DCBLD1: variants seen among roughly 807,000 people sequenced by gnomAD.
The protein encoded by DCBLD1 is discoidin, CUB and LCCL domain containing 1, also known as discoidin, CUB and LCCL domain-containing protein 1.
In DCBLD1, 57 loss-of-function variants were observed where a neutral mutation model predicts 71.5. That is an observed-to-expected ratio of 0.80 (90% CI 0.64 to 0.99). DCBLD1 has a LOEUF of 0.99. Ranked by LOEUF, DCBLD1 falls within the 50% of genes least tolerant of loss-of-function variation. The pLI is 0.00. For missense variants in DCBLD1, 891 were observed against 923.5 expected (o/e 0.96, Z 0.46); for synonymous variants, 380 against 363.8 (o/e 1.04, Z -0.51).
intron 2 of DCBLD1, among the ~76,000 whole-genome samples, chr6:117,515,804 A>G (rs1252618689): frequency 6.6e-6 from 1 of 152,192 alleles, no homozygotes; most frequent in African/African-American, 2.4e-5. Flanking sequence ...AAAATATTTT[A>G]TGAATCTCTT....
Position 117,532,221 on chromosome 6 carries a change from T to C in DCBLD1, c.586-39T>C, listed in dbSNP as rs1237790905. Reference sequence around the variant, plus strand: ...AAACTCCAACTATATTTTAACTGTGTTCTTTTAAGTTCTGCATAATGATGT... The same window carrying C: ...AAACTCCAACTATATTTTAACTGTGCTCTTTTAAGTTCTGCATAATGATGT... On this transcript the variant is annotated intron_variant, in intron 5 of 14. Transcript: ENST00000338728. 4 of 1,550,746 alleles carry C rather than the reference T, an allele frequency of 2.6e-6. No homozygotes were observed. In the African/African-American group the frequency reaches 5.6e-5, roughly 22 times the overall value.
chr6:117,553,368 G>T (rs1779455651), downstream of DCBLD1, among the ~76,000 whole-genome samples: 1 of 152,110 alleles, frequency 6.6e-6, no homozygotes, highest in African/African-American at 2.4e-5. Context: ...AATGGAAAAA[G>T]TGTTAGAAAC....
At position 117,482,823 on chromosome 6, in the gene DCBLD1, T is replaced by C. The variant is rs934173261; in HGVS notation, c.42T>C (p.Ala14=). 8.0e-5 allele frequency: 93 copies of C among 1,164,412 alleles called. No individual in the cohort carries two copies. The highest frequency in any genetic ancestry group is 9.4e-5 in the Non-Finnish European group (89 of 945,906). The allele number at this position is 1,164,412 out of a possible 1,614,324, so 72.1% of individuals were successfully genotyped here. A position where few individuals can be genotyped will look rare whatever the true frequency, so the allele number is the denominator to read the frequency against. The change falls in exon 1 of 15, where the codon GCT becomes GCC. Residue 14 remains alanine, a synonymous_variant. Transcript: ENST00000338728. ...GARGGGALAR[A]AGRGLLALLL... ...GCGGCGGCGGCGCACTGGCGCGGGC[T>C]GCCGGGCGGGGCCTCCTGGCTTTGC...
rs1430823863 is a variant in DCBLD1 at position 117,548,926 on chromosome 6, CTTG to C, written c.*493_*495del. 52 of 990,578 alleles carry C rather than the reference CTTG, an allele frequency of 5.2e-5. No homozygotes were observed. The highest frequency in any genetic ancestry group is 5.2e-4 in the Middle Eastern group (1 of 1,938). 61.4% of individuals were successfully genotyped at this position (990,578 alleles called of 1,614,324 possible). On this transcript the variant is annotated 3_prime_UTR_variant, in exon 15 of 15. Transcript: ENST00000338728. The stretch of plus-strand genomic sequence containing the variant: ...AGCAGCAGGTCTGCTTAAACCTAGT[CTTG>C]TTGTTATTGAGTCATTTCCTCTCCT...
intron 14 of DCBLD1, chr6:117,563,061 GCT>G (rs1779618218): frequency 9.1e-6 from 5 of 547,722 alleles, no homozygotes; most frequent in Non-Finnish European, 1.6e-5. Flanking sequence ...ACATGCAATA[GCT>G]AATTATGGTC....
At position 117,521,581 on chromosome 6, in the gene DCBLD1, G is replaced by A. The variant is rs755662504; in HGVS notation, c.512+5G>A. The A allele has an allele frequency of 6.4e-6, 10 of 1,561,552 alleles. No individual in the cohort carries two copies. The South Asian group carries it at 8.4e-5, about 13-fold the overall frequency. The stretch of plus-strand genomic sequence containing the variant: ...TTATTTGAAGACAGAATACAGGTAA[G>A]TATAGGTATCCTAACTGTGTTGCAG... On this transcript the variant is annotated splice_donor_5th_base_variant and intron_variant, in intron 4 of 14. Coordinates refer to ENST00000338728, the MANE Select transcript of DCBLD1 (RefSeq NM_001366458.2).
intron 14 of DCBLD1, among the ~76,000 whole-genome samples, chr6:117,559,202 C>A (rs540317491): frequency 2.6e-5 from 4 of 152,140 alleles, no homozygotes; most frequent in Non-Finnish European, 5.9e-5. Flanking sequence ...AAGAAGCAGA[C>A]GCCAACACCA....
intron 2 of DCBLD1, among the ~76,000 whole-genome samples, chr6:117,511,147 C>A (rs1778006836): frequency 6.6e-6 from 1 of 152,120 alleles, no homozygotes; most frequent in Non-Finnish European, 1.5e-5. Flanking sequence ...GCCATCTGTT[C>A]CTGTGGCTTG....
rs180883922 is a variant in DCBLD1 at position 117,569,841 on chromosome 6, C to T, written c.*217C>T. On this transcript the variant is annotated 3_prime_UTR_variant, in exon 15 of 15. Transcript: ENST00000296955. ...CTTAAAAATATATTTCATTAAACAC[C>T]TATGCTGTCTCTATAAATGCTGGGT... 98 of 1,221,864 alleles carry T rather than the reference C, an allele frequency of 8.0e-5. No homozygotes were observed. In the African/African-American group the frequency reaches 1.2e-3, roughly 16 times the overall value. The allele number at this position is 1,221,864 out of a possible 1,614,324, so 75.7% of individuals were successfully genotyped here.
chr6:117,565,491 C>T (rs1293219817), intron 14 of DCBLD1, among the ~76,000 whole-genome samples: 1 of 152,092 alleles, frequency 6.6e-6, no homozygotes, highest in Non-Finnish European at 1.5e-5. Flanking sequence ...TGGATCTTTT[C>T]CCATGCAAAA....
intron 13 of DCBLD1, among the ~76,000 whole-genome samples, 194 bp from the exon 14 acceptor site, chr6:117,545,284 A>G (rs549828076): frequency 1.3e-4 from 20 of 152,066 alleles, no homozygotes; most frequent in South Asian, 2.1e-4. Flanking sequence ...AGCGGAAAGC[A>G]TGGTTAGAGT....
intron 14 of DCBLD1, among the ~76,000 whole-genome samples, chr6:117,565,513 C>A (rs937127783): frequency 2.0e-5 from 3 of 152,148 alleles, no homozygotes; most frequent in African/African-American, 7.2e-5. Context: ...TTTATAACTT[C>A]ATTTACTGGT....
rs757093983 is a variant in DCBLD1 at position 117,548,111 on chromosome 6, G to A, written c.1820G>A (p.Arg607Gln). The part of the protein sequence containing the change: ...EPEYATPIVE[R>Q]HVLRAHTFSA... ...GAGTACGCCACGCCCATCGTGGAGC[G>A]GCACGTGCTGCGCGCCCACACGTTC... is the stretch of plus-strand genomic sequence containing the variant. Residue 607 changes from arginine (R) to glutamine (Q), a missense_variant, in exon 15 of 15, where the codon CGG becomes CAG. Physicochemically the swap from Arg to Gln is conservative, Grantham distance 43 (BLOSUM62 1). Transcript: ENST00000338728. 1.5e-5 allele frequency: 24 copies of A among 1,549,566 alleles called. No individual in the cohort carries two copies. Among genetic ancestry groups the A allele is most frequent in the Middle Eastern group, 1.7e-4 (1 of 6,004 alleles).
downstream of DCBLD1, among the ~76,000 whole-genome samples, chr6:117,550,605 G>A (rs1463710376): frequency 6.6e-6 from 1 of 152,144 alleles, no homozygotes; most frequent in Non-Finnish European, 1.5e-5. Flanking sequence ...GTTCATTAAC[G>A]TTTACAGTCA....
At chr6:117,521,687 T>G in intron 4 of DCBLD1, 111 bp downstream of exon 4, 1 of 915,292 alleles carries the variant, frequency 1.1e-6, no homozygotes, top group South Asian at 1.6e-5. Context: ...CCATTCATGT[T>G]GTAACTAATG....
At chr6:117,500,107 C>T (rs933535967) in intron 1 of DCBLD1, among the ~76,000 whole-genome samples, 2 of 152,242 alleles carry the variant, frequency 1.3e-5, no homozygotes, top group Admixed American at 1.3e-4. Context: ...TTTTCTCTCC[C>T]TAGCAGTTTT....
At position 117,548,003 on chromosome 6, in the gene DCBLD1, G is replaced by A. The variant is rs1034638605; in HGVS notation, c.1712G>A (p.Ser571Asn). The change falls in exon 15 of 15, where the codon AGC becomes AAC. Residue 571 changes from serine (S) to asparagine (N), a missense_variant. Coordinates refer to ENST00000338728, the MANE Select transcript of DCBLD1 (RefSeq NM_001366458.2). ...MDTDAEEAGVSTDAGGHYDCP... is the reference protein window; with the variant it reads ...MDTDAEEAGVNTDAGGHYDCP... ...ACGGATGCCGAGGAGGCAGGGGTGA[G>A]CACCGATGCCGGCGGCCACTATGAC... 2.6e-6 allele frequency: 4 copies of A among 1,550,470 alleles called. No individual in the cohort carries two copies. The highest frequency in any genetic ancestry group is 2.6e-6 in the Non-Finnish European group (3 of 1,146,906).
At chr6:117,493,973 T>A (rs1366206066) in intron 1 of DCBLD1, among the ~76,000 whole-genome samples, 1 of 152,214 alleles carries the variant, frequency 6.6e-6, no homozygotes, top group Non-Finnish European at 1.5e-5. Flanking sequence ...TATATGTGTG[T>A]GTGTATATAT....
intron 1 of DCBLD1, chr6:117,485,150 T>C (rs1777043276): frequency 1.3e-5 from 2 of 152,268 alleles, no homozygotes. Flanking sequence ...TTGGATTTAG[T>C]CCAAATTTAT....
Sources: gnomAD v4.1 joint callset for allele counts (sites outside exome capture counted in the v4.1 genomes callset) on GRCh38, gnomAD v4.1.1 for gene constraint, MANE v1.5 for transcripts, NCBI Gene and HGNC (gene_info 2026-07-23, HGNC 2026-07-21) for gene names.